Variants in FAF1 observed in about 807,000 individuals in gnomAD.
The protein encoded by FAF1 is Fas associated factor 1, also known as FAS-associated factor 1.
In FAF1, 25 loss-of-function variants were observed where a neutral mutation model predicts 92.5. That is an observed-to-expected ratio of 0.27 (90% confidence interval 0.20 to 0.38). The LOEUF (loss-of-function observed/expected upper bound fraction) is 0.38. Among genes scored for constraint, FAF1 ranks in the 10% least tolerant of loss-of-function variants. The pLI is 1.00. For missense variants in FAF1, 636 were observed against 793.3 expected (o/e 0.80, Z 2.38); for synonymous variants, 234 against 273.2 (o/e 0.86, Z 1.42).
intron 2 of FAF1, among the ~76,000 whole-genome samples, chr1:50,811,603 A>G (rs546244719): frequency 2.8e-4 from 42 of 152,384 alleles, no homozygotes; most frequent in Admixed American, 4.6e-4. Flanking sequence ...ATCAATAGGA[A>G]GAATCAATAT....
intron 3 of FAF1, among the ~76,000 whole-genome samples, chr1:50,795,583 T>C (rs1661718521): frequency 6.6e-6 from 1 of 152,202 alleles, no homozygotes; most frequent in Non-Finnish European, 1.5e-5. Flanking sequence ...GTGGTATAAA[T>C]GCTTTATATC....
chr1:50,663,265 T>G (rs955976302), intron 7 of FAF1, among the ~76,000 whole-genome samples: 5 of 151,622 alleles, frequency 3.3e-5, no homozygotes, highest in African/African-American at 1.2e-4. Context: ...ACCTGGAAAC[T>G]ATCAGAAATG....
intron 4 of FAF1, among the ~76,000 whole-genome samples, chr1:50,777,251 A>G (rs577192687): frequency 6.6e-6 from 1 of 151,970 alleles, no homozygotes; most frequent in East Asian, 1.9e-4. Flanking sequence ...ATTTCTTCAA[A>G]AAGTGAAAAA....
chr1:50,643,839 C>T (rs553426757), intron 8 of FAF1, among the ~76,000 whole-genome samples: 1 of 152,130 alleles, frequency 6.6e-6, no homozygotes, highest in Admixed American at 6.6e-5. Flanking sequence ...GTGATCCTCC[C>T]GCCTCAGCTT....
chr1:50,836,148 T>C (rs1644199405), intron 2 of FAF1, among the ~76,000 whole-genome samples: 1 of 151,120 alleles, frequency 6.6e-6, no homozygotes, highest in Non-Finnish European at 1.5e-5. Context: ...TTTGTGTGTG[T>C]GTGTTTTTGT....
chr1:50,897,666 T>C (rs1481147903), intron 1 of FAF1, among the ~76,000 whole-genome samples: 2 of 152,202 alleles, frequency 1.3e-5, no homozygotes, highest in Admixed American at 6.5e-5. Flanking sequence ...AAGGACAAAA[T>C]GGACTGTGGT....
intron 17 of FAF1, among the ~76,000 whole-genome samples, chr1:50,486,096 G>GAC (rs1365789690): frequency 1.3e-5 from 2 of 152,168 alleles, no homozygotes; most frequent in African/African-American, 2.4e-5. Context: ...GAAAACTGAA[G>GAC]AGGAAGTGCC....
At chr1:50,511,659 T>C (rs1051477659) in intron 15 of FAF1, among the ~76,000 whole-genome samples, 24 of 152,216 alleles carry the variant, frequency 1.6e-4, no homozygotes, top group African/African-American at 5.5e-4. Flanking sequence ...GATGGGCATT[T>C]GGGTTGGTTC....
intron 15 of FAF1, among the ~76,000 whole-genome samples, chr1:50,524,946 T>C (rs1647716078): frequency 6.6e-6 from 1 of 152,002 alleles, no homozygotes; most frequent in South Asian, 2.1e-4. Flanking sequence ...AGTGCAGTGG[T>C]GAGATCTTGG....
In FAF1 at chr1:50,705,686, T is replaced by C. The variant is rs2124423789; in HGVS notation, c.657+100A>G. On this transcript the variant is annotated intron_variant, in intron 7 of 18. Coordinates refer to ENST00000396153, the MANE Select transcript of FAF1 (RefSeq NM_007051.3). ...AATTTAAGAACCCAATAATGAAACATAAAGAGAATTTCCAACCAGAACAGA... is the reference window on the plus strand; with the variant it reads ...AATTTAAGAACCCAATAATGAAACACAAAGAGAATTTCCAACCAGAACAGA... The C allele has an allele frequency of 1.0e-5, 6 of 590,932 alleles. No individual in the cohort carries two copies. The East Asian group carries it at 1.6e-4, about 16-fold the overall frequency. 36.6% of individuals were successfully genotyped at this position (590,932 alleles called of 1,614,324 possible).
chr1:50,682,446 C>CAG (rs1419627862), intron 7 of FAF1, among the ~76,000 whole-genome samples: 2 of 152,076 alleles, frequency 1.3e-5, no homozygotes, highest in Non-Finnish European at 2.9e-5. Context: ...ATTGAGGTTG[C>CAG]AGAGAGCTGT....
intron 2 of FAF1, among the ~76,000 whole-genome samples, chr1:50,831,287 C>G (rs1557549121): frequency 6.6e-6 from 1 of 152,182 alleles, no homozygotes; most frequent in Non-Finnish European, 1.5e-5. Context: ...TCTCTTTTGA[C>G]CCAGTGTCTT....
intron 6 of FAF1, among the ~76,000 whole-genome samples, chr1:50,720,189 A>T (rs978591948): frequency 6.6e-6 from 1 of 152,056 alleles, no homozygotes; most frequent in African/African-American, 2.4e-5. Context: ...TTTAGTAGAG[A>T]CGGGGGTTTG....
chr1:50,741,389 C>T (rs936788870), intron 5 of FAF1, among the ~76,000 whole-genome samples: 4 of 152,078 alleles, frequency 2.6e-5, no homozygotes, highest in African/African-American at 7.2e-5. Flanking sequence ...GTTGTAGAGG[C>T]GAGAATGGGG....
In FAF1 at chr1:50,892,145, G is replaced by A. The variant is rs570413647; in HGVS notation, c.46-34148C>T. Among the ~76,000 whole-genome samples, 22 of 152,292 alleles carry A rather than the reference G, an allele frequency of 1.4e-4. No homozygotes were observed. In the South Asian group the frequency reaches 4.6e-3, roughly 32 times the overall value. On this transcript the variant is annotated intron_variant, in intron 1 of 18. Coordinates refer to ENST00000396153, the MANE Select transcript of FAF1 (RefSeq NM_007051.3). Reference sequence around the variant, plus strand: ...AATGAGTGAGGCTCCATGGGCATGGGACCCTCCAAGCCAGGAGTGGGATAT... The same window carrying A: ...AATGAGTGAGGCTCCATGGGCATGGAACCCTCCAAGCCAGGAGTGGGATAT...
chr1:50,718,523 T>A (rs1261386871), intron 6 of FAF1, among the ~76,000 whole-genome samples: 2 of 152,174 alleles, frequency 1.3e-5, no homozygotes, highest in African/African-American at 4.8e-5. Context: ...ATTTCATTCC[T>A]GTTATGTGCA....
chr1:50,847,320 A>G (rs72904713), intron 2 of FAF1, among the ~76,000 whole-genome samples: 10,033 of 152,104 alleles, frequency 0.066, 414 homozygotes, highest in East Asian at 0.094. Flanking sequence ...GAAATTTTAG[A>G]TGACTATGAT....
At position 50,590,615 on chromosome 1, in the gene FAF1, A is replaced by ATTTCTT. The variant is rs372448632; in HGVS notation, c.840+5500_840+5505dup. ...AGAGATTATTTTAATCCTTCCTTTT[A>ATTTCTT]TTTCTTTTTCTTTTTCTTGCCTAAT... is the stretch of plus-strand genomic sequence containing the variant. On this transcript the variant is annotated intron_variant, in intron 9 of 18. Coordinates refer to ENST00000396153, the MANE Select transcript of FAF1 (RefSeq NM_007051.3). Among the ~76,000 whole-genome samples, 116 of 152,192 alleles carry ATTTCTT rather than the reference A, an allele frequency of 7.6e-4. 1 individual carries two copies. Among genetic ancestry groups the ATTTCTT allele is most frequent in the African/African-American group, 2.7e-3 (111 of 41,530 alleles).
intron 2 of FAF1, among the ~76,000 whole-genome samples, chr1:50,847,793 TA>T (rs1434647609): frequency 6.6e-6 from 1 of 151,932 alleles, no homozygotes; most frequent in East Asian, 1.9e-4. Context: ...TTCTCCTCAA[TA>T]AAAAAGAAAA....
Sources: allele counts gnomAD v4.1 joint callset (sites outside exome capture counted in the v4.1 genomes callset), GRCh38; gene constraint gnomAD v4.1.1; transcripts MANE v1.5; gene names NCBI Gene and HGNC (gene_info 2026-07-23, HGNC 2026-07-21).